Variants in PARG observed in about 807,000 individuals in gnomAD.
PARG encodes poly(ADP-ribose) glycohydrolase.
PARG carries 35 observed loss-of-function variants against 113.0 expected under a neutral mutation model. The ratio of observed to expected loss-of-function variants is 0.31; its 90% CI spans 0.24 to 0.41. PARG has a LOEUF of 0.41. Ranked by LOEUF, PARG falls within the 10% of genes least tolerant of loss-of-function variation. The pLI is 1.00. For synonymous variants in PARG, 330 were observed against 409.9 expected (o/e 0.81, Z 2.36); for missense variants, 797 against 1,169.4 (o/e 0.68, Z 4.64).
At chr10:49,845,630 C>T (rs1845468756) in intron 13 of PARG, among the ~76,000 whole-genome samples, 3 of 152,242 alleles carry the variant, frequency 2.0e-5, no homozygotes, top group South Asian at 4.2e-4. Flanking sequence ...AGCACAGTGG[C>T]TCATGCCTGT....
At chr10:49,878,668 G>T (rs772853919) in intron 9 of PARG, among the ~76,000 whole-genome samples, 32 of 151,158 alleles carry the variant, frequency 2.1e-4, no homozygotes, top group South Asian at 6.4e-4. Context: ...CTACTTTGGA[G>T]ACAAAAGCAG....
At chr10:49,922,232 T>G (rs1358513470) in intron 6 of PARG, 104 bp downstream of exon 6, 10 of 1,217,174 alleles carry the variant, frequency 8.2e-6, no homozygotes, top group Non-Finnish European at 1.2e-5. Context: ...AGCAAGCATT[T>G]TGCATCTAAA....
intron 16 of PARG, 116 bp from the exon 17 acceptor site, chr10:49,820,409 G>C (rs1214404166): frequency 1.5e-6 from 1 of 674,204 alleles, no homozygotes; most frequent in Non-Finnish European, 2.5e-6. Context: ...TATAAACCCA[G>C]TATACATGGT....
chr10:49,924,996 A>C (rs1291667126), intron 4 of PARG, among the ~76,000 whole-genome samples: 1 of 152,206 alleles, frequency 6.6e-6, no homozygotes, highest in Non-Finnish European at 1.5e-5. Context: ...GGTCAGTGGC[A>C]ACATCAGATT....
At chr10:49,878,627 A>AT (rs1554838831) in intron 9 of PARG, among the ~76,000 whole-genome samples, 1 of 151,418 alleles carries the variant, frequency 6.6e-6, no homozygotes, top group African/African-American at 2.4e-5. Flanking sequence ...TAAAATTAAA[A>AT]AAAAAAAAAA....
rs530635869 is a variant in PARG at position 49,902,567 on chromosome 10, A to G, written c.1737+13350T>C. Among the ~76,000 whole-genome samples the G allele has an allele frequency of 3.2e-3, 487 of 152,330 alleles. 2 individuals are homozygous for G. Among genetic ancestry groups the G allele is most frequent in the Non-Finnish European group, 5.1e-3 (345 of 68,026 alleles). ...CTAGTCATTTATTGCTACTTAGTCC[A>G]AACACATATTGAACACCCACTTTGT... On this transcript the variant is annotated intron_variant, in intron 7 of 17. Transcript: ENST00000616448.
intron 4 of PARG, among the ~76,000 whole-genome samples, chr10:49,927,860 G>C (rs1838285333): frequency 6.6e-6 from 1 of 152,044 alleles, no homozygotes; most frequent in Non-Finnish European, 1.5e-5. Flanking sequence ...GGAGGCTGAG[G>C]TGGGAGGATT....
chr10:49,841,048 T>G (rs1468427282), intron 15 of PARG, among the ~76,000 whole-genome samples: 3 of 151,698 alleles, frequency 2.0e-5, no homozygotes, highest in Non-Finnish European at 4.4e-5. Context: ...AGGTCAGGAG[T>G]TCGAGACCAG....
chr10:49,929,955 T>G (rs1554909562), intron 4 of PARG, among the ~76,000 whole-genome samples: 10,338 of 150,900 alleles, frequency 0.069, 440 homozygotes, highest in African/African-American at 0.12. Context: ...AGTTAAAGCT[T>G]ACATCAATCT....
chr10:49,837,530 G>C (rs982792750), intron 15 of PARG, among the ~76,000 whole-genome samples: 13 of 152,050 alleles, frequency 8.5e-5, no homozygotes, highest in African/African-American at 3.1e-4. Flanking sequence ...TGTGCTGTCA[G>C]TTTATGTGAG....
intron 15 of PARG, among the ~76,000 whole-genome samples, chr10:49,838,005 T>G (rs1845028049): frequency 6.6e-6 from 1 of 151,986 alleles, no homozygotes; most frequent in South Asian, 2.1e-4. Context: ...AAAAGAAGAG[T>G]GATTCAGGCA....
chr10:49,855,046 C>CA (rs1845924361), intron 13 of PARG, among the ~76,000 whole-genome samples: 2 of 149,476 alleles, frequency 1.3e-5, no homozygotes, highest in Non-Finnish European at 3.0e-5. Flanking sequence ...ACTTAGTAGA[C>CA]AAAGAATTTA....
At chr10:49,915,304 A>C (rs1837408696) in intron 7 of PARG, among the ~76,000 whole-genome samples, 1 of 152,158 alleles carries the variant, frequency 6.6e-6, no homozygotes, top group Non-Finnish European at 1.5e-5. Context: ...AAAAATTTGA[A>C]TAGGTATTTC....
chr10:49,912,086 G>A (rs1837217501), intron 7 of PARG, among the ~76,000 whole-genome samples: 2 of 151,994 alleles, frequency 1.3e-5, no homozygotes, highest in Admixed American at 1.3e-4. Flanking sequence ...GATCACTTGA[G>A]GTCAGGAGTT....
chr10:49,896,122 C>T (rs569591920), intron 7 of PARG, among the ~76,000 whole-genome samples: 19 of 152,244 alleles, frequency 1.2e-4, no homozygotes, highest in South Asian at 6.2e-4. Context: ...ATTTCTAGTA[C>T]AATGTTAATA....
chr10:49,847,483 G>A lies in PARG; in HGVS notation c.2354-3851C>T, dbSNP rs192654851. On this transcript the variant is annotated intron_variant, in intron 13 of 17. Transcript: ENST00000616448. ...GGATTCCTACCGAAATGAATAACCC[G>A]AACCTAATTAGGAAGAAGCAGTGGG... Among the ~76,000 whole-genome samples, 759 of 152,192 alleles carry A rather than the reference G, an allele frequency of 5.0e-3. 12 individuals carry two copies. The highest frequency in any genetic ancestry group is 0.027 in the Middle Eastern group (8 of 294).
At chr10:49,925,798 CTT>C (rs1480203649) in intron 4 of PARG, among the ~76,000 whole-genome samples, 1 of 152,250 alleles carries the variant, frequency 6.6e-6, no homozygotes, top group African/African-American at 2.4e-5. Context: ...TCTCGAATCC[CTT>C]TGTTAGGAAT....
intron 6 of PARG, among the ~76,000 whole-genome samples, chr10:49,918,988 T>C (rs1397530301): frequency 6.6e-6 from 1 of 152,172 alleles, no homozygotes; most frequent in Non-Finnish European, 1.5e-5. Context: ...TTGCCCAGGC[T>C]GGAGTGCAGT....
In PARG at chr10:49,895,050, A is replaced by C. The variant is rs543183855; in HGVS notation, c.1738-9755T>G. ...TGTCTCTGTGTCCTTTCCTTCTCTC[A>C]TAAGGACACCAGTCATTGATTTAGG... On this transcript the variant is annotated intron_variant, in intron 7 of 17. Coordinates refer to ENST00000616448, the MANE Select transcript of PARG (RefSeq NM_003631.5). Among the ~76,000 whole-genome samples, 18 of 152,206 alleles carry C rather than the reference A, an allele frequency of 1.2e-4. 1 individual carries two copies. In the East Asian group the frequency reaches 3.5e-3, roughly 29 times the overall value.
Sources: allele counts gnomAD v4.1 joint callset (sites outside exome capture counted in the v4.1 genomes callset), GRCh38; gene constraint gnomAD v4.1.1; transcripts MANE v1.5; gene names NCBI Gene and HGNC (gene_info 2026-07-23, HGNC 2026-07-21).